Variants in UNC13A observed in about 807,000 individuals in gnomAD.
The protein encoded by UNC13A is unc-13 homolog A.
In UNC13A, 61 loss-of-function variants were observed where a neutral mutation model predicts 219.7. The ratio of observed to expected loss-of-function variants is 0.28; its 90% confidence interval spans 0.23 to 0.34. The LOEUF is 0.34. UNC13A is among the 10% of genes least tolerant of loss of function. UNC13A has a pLI of 1.00. For missense variants in UNC13A, 1,476 were observed against 2,270.3 expected (o/e 0.65, Z 7.11); for synonymous variants, 920 against 884.6 (o/e 1.04, Z -0.71).
At chr19:17,617,189 C>G (rs1348973318) in intron 41 of UNC13A, among the ~76,000 whole-genome samples, 32 of 152,100 alleles carry the variant, frequency 2.1e-4, no homozygotes. Flanking sequence ...GCCAATCATT[C>G]CTTGACCCCT....
intron 41 of UNC13A, chr19:17,616,536 G>C: frequency 1.5e-6 from 1 of 658,790 alleles, no homozygotes; most frequent in African/African-American, 1.8e-5. Context: ...GAGCCAGTGA[G>C]AGGTGAGGAT....
chr19:17,640,574 G>A lies in UNC13A; in HGVS notation c.2724C>T (p.Tyr908=), dbSNP rs367696272. Residue 908 remains tyrosine, a synonymous_variant, in exon 22 of 44, where the codon TAC becomes TAT. Coordinates refer to ENST00000519716, the MANE Select transcript of UNC13A (RefSeq NM_001080421.3). ...CGTTGGTGGAGGCGGTGGTGTGTGC[G>A]TAGTAGGCATTGATGTTGGCGAGCA... ...STLLANINAY[Y]AHTTASTNVS... 2.3e-4 allele frequency: 357 copies of A among 1,566,524 alleles called. No homozygotes were observed. Among genetic ancestry groups the A allele is most frequent in the Non-Finnish European group, 3.0e-4 (345 of 1,156,334 alleles).
chr19:17,607,355 G>A (rs1420055681), intron 43 of UNC13A, among the ~76,000 whole-genome samples: 7 of 150,220 alleles, frequency 4.7e-5, no homozygotes, highest in Non-Finnish European at 1.0e-4. Flanking sequence ...TCTGTCTCCC[G>A]GGTTCAAACG....
chr19:17,626,903 T>A, intron 33 of UNC13A, 118 bp from the exon 34 acceptor site: 8 of 1,402,758 alleles, frequency 5.7e-6, no homozygotes, highest in Non-Finnish European at 7.5e-6. Flanking sequence ...CGAGCAAGAA[T>A]GGAGAACAGG....
Position 17,686,385 on chromosome 19 carries a change from T to TG in UNC13A, c.22+1792dup, listed in dbSNP as rs2080112973. On this transcript the variant is annotated intron_variant, in intron 1 of 43. Transcript: ENST00000519716. ...TGTGAGGCGGGGTGGGGCGGGATGC[T>TG]GGGGGGAGAAGAGAGAGGATAGAGG... Among the ~76,000 whole-genome samples the TG allele has an allele frequency of 5.7e-5, 8 of 141,330 alleles. No individual in the cohort carries two copies. The South Asian group carries it at 1.7e-3, about 30-fold the overall frequency. The allele number at this position is 141,330 out of a possible 152,430, so 92.7% of individuals were successfully genotyped here.
chr19:17,630,638 G>A lies in UNC13A; in HGVS notation c.3525+16C>T. On this transcript the variant is annotated intron_variant, in intron 29 of 43. Transcript: ENST00000519716. ...GTGGGAAGATTAGGAACTTGGTTGT[G>A]GGTGGGCCTTCTTACCCCATCCTTC... 1.2e-6 allele frequency: 2 copies of A among 1,613,440 alleles called. No individual in the cohort carries two copies. The highest frequency in any genetic ancestry group is 1.1e-5 in the South Asian group (1 of 91,070).
chr19:17,678,407 A>G (rs2079941790), intron 1 of UNC13A, among the ~76,000 whole-genome samples: 1 of 152,122 alleles, frequency 6.6e-6, no homozygotes. Flanking sequence ...TTAACCTGGA[A>G]GGCAGAGGTT....
chr19:17,640,739 G>A (rs529504222), intron 21 of UNC13A, 78 bp from the exon 22 acceptor site: 2 of 1,429,392 alleles, frequency 1.4e-6, no homozygotes, highest in African/African-American at 2.9e-5. Context: ...ATGCCTCCAA[G>A]ATAGCATCTG....
intron 35 of UNC13A, among the ~76,000 whole-genome samples, chr19:17,623,760 G>A (rs551130909): frequency 1.3e-5 from 2 of 151,972 alleles, no homozygotes; most frequent in African/African-American, 4.8e-5. Context: ...CCAAGCCTCC[G>A]TGGTCCACCT....
rs551065041 is a variant in UNC13A at position 17,649,563 on chromosome 19, G to A, written c.1464C>T (p.Ile488=). 2.5e-6 allele frequency: 4 copies of A among 1,613,746 alleles called. No individual in the cohort carries two copies. Among genetic ancestry groups the A allele is most frequent in the Non-Finnish European group, 2.5e-6 (3 of 1,179,872 alleles). Residue 488 remains isoleucine (I), a synonymous_variant, in exon 13 of 44, where the codon ATC becomes ATT. Transcript: ENST00000519716. The surrounding 1 kb of genome is among the most constrained non-coding windows in gnomAD (Gnocchi z 4.4). ...TCTTGCGGATGTCTGGCATGCTGTC[G>A]ATGATGATGAGACCGCCCCCTGGGC... ...KGGPGGGLII[I]DSMPDIRKRK... is the part of the protein sequence containing the mutation.
chr19:17,608,151 A>G (rs2076554563), intron 43 of UNC13A, among the ~76,000 whole-genome samples: 1 of 148,154 alleles, frequency 6.7e-6, no homozygotes, highest in African/African-American at 2.5e-5. Flanking sequence ...GGTTCAAGCG[A>G]TTCTCCTGTC....
rs1263392946 is a variant in UNC13A at position 17,666,710 on chromosome 19, G to A, written c.469-6C>T. ...TGCTCATCTTGGAACGAATACTGAA[G>A]GGGTGGAGGAAGGAGAAAGGGCTTC... On this transcript the variant is annotated splice_region_variant and splice_polypyrimidine_tract_variant and intron_variant, in intron 6 of 43. Coordinates refer to ENST00000519716, the MANE Select transcript of UNC13A (RefSeq NM_001080421.3). 7 of 1,525,834 alleles carry A rather than the reference G, an allele frequency of 4.6e-6. No homozygotes were observed. Among genetic ancestry groups the A allele is most frequent in the Non-Finnish European group, 6.2e-6 (7 of 1,134,032 alleles). The allele number at this position is 1,525,834 out of a possible 1,614,324, so 94.5% of individuals were successfully genotyped here. A position where few individuals can be genotyped will look rare whatever the true frequency, so the allele number is the denominator to read the frequency against.
intron 43 of UNC13A, among the ~76,000 whole-genome samples, chr19:17,608,391 T>C (rs1436969205): frequency 7.4e-6 from 1 of 135,998 alleles, no homozygotes; most frequent in African/African-American, 2.8e-5. Context: ...TAAATATATA[T>C]ATATTTATAT....
chr19:17,686,699 G>A (rs1477606042), intron 1 of UNC13A, among the ~76,000 whole-genome samples: 2 of 151,968 alleles, frequency 1.3e-5, no homozygotes, highest in African/African-American at 4.8e-5. Flanking sequence ...GAGAAAGTAG[G>A]CCCCTGTCCC....
At chr19:17,620,267 GC>G (rs1427220757) in intron 38 of UNC13A, among the ~76,000 whole-genome samples, 1 of 152,102 alleles carries the variant, frequency 6.6e-6, no homozygotes, top group East Asian at 1.9e-4. Flanking sequence ...TGGGGAGGGG[GC>G]CCATTTACTG....
chr19:17,670,679 G>A (rs562129601), intron 4 of UNC13A, among the ~76,000 whole-genome samples: 4 of 152,158 alleles, frequency 2.6e-5, no homozygotes, highest in South Asian at 4.1e-4. Flanking sequence ...CAAGGTGGGC[G>A]GATCACTTGA....
At chr19:17,639,941 G>C (rs751744296) in intron 22 of UNC13A, 33 bp from the exon 23 acceptor site, 1 of 1,611,700 alleles carries the variant, frequency 6.2e-7, no homozygotes, top group Non-Finnish European at 8.5e-7. Flanking sequence ...AGGATGGATG[G>C]AGGCAGGACA....
intron 6 of UNC13A, 39 bp downstream of exon 6, chr19:17,668,078 A>T (rs1282249678): frequency 9.4e-6 from 15 of 1,598,722 alleles, no homozygotes; most frequent in Non-Finnish European, 1.0e-5. Context: ...CAGAGACAGA[A>T]ACAAGGAAGA....
At chr19:17,659,661 C>T (rs956570186) in intron 8 of UNC13A, among the ~76,000 whole-genome samples, 3 of 151,702 alleles carry the variant, frequency 2.0e-5, no homozygotes, top group Admixed American at 6.6e-5. Context: ...CCCAGCTATT[C>T]GGGAGGGTAT....
Sources: allele counts gnomAD v4.1 joint callset (sites outside exome capture counted in the v4.1 genomes callset), GRCh38; gene constraint gnomAD v4.1.1; non-coding constraint Gnocchi (gnomAD v3.1); transcripts MANE v1.5; gene names NCBI Gene and HGNC (gene_info 2026-07-23, HGNC 2026-07-21).